Variants in HDAC9 observed in about 807,000 individuals in gnomAD.
The protein encoded by HDAC9 is histone deacetylase 9.
A neutral mutation model predicts 139.4 loss-of-function variants in HDAC9; 41 were observed. That is an observed-to-expected ratio of 0.29 (90% CI 0.23 to 0.38). HDAC9 has a LOEUF of 0.38. Among genes scored for constraint, HDAC9 ranks in the 10% least tolerant of loss-of-function variants. HDAC9 has a pLI of 1.00. For missense variants in HDAC9, 1,147 were observed against 1,297.0 expected (o/e 0.88, Z 1.78); for synonymous variants, 517 against 476.2 (o/e 1.09, Z -1.12).
chr7:18,370,258 A>C (rs181977385), intron 1 of HDAC9, among the ~76,000 whole-genome samples: 3 of 152,290 alleles, frequency 2.0e-5, no homozygotes, highest in Admixed American at 2.0e-4. Flanking sequence ...ATAAATCTGT[A>C]ACAGAATTAA....
At chr7:18,886,985 C>G in intron 22 of HDAC9, among the ~76,000 whole-genome samples, 1 of 152,130 alleles carries the variant, frequency 6.6e-6, no homozygotes, top group East Asian at 1.9e-4. Context: ...TGGTCAAATC[C>G]TTTGTTAAGT....
At chr7:18,370,188 G>C (rs1241674072) in intron 1 of HDAC9, among the ~76,000 whole-genome samples, 2 of 152,068 alleles carry the variant, frequency 1.3e-5, no homozygotes, top group Admixed American at 6.6e-5. Context: ...AGCCCCAACT[G>C]GGTTACCTTC....
chr7:18,458,224 G>A (rs1793521221), intron 1 of HDAC9, among the ~76,000 whole-genome samples: 1 of 152,160 alleles, frequency 6.6e-6, no homozygotes, highest in Non-Finnish European at 1.5e-5. Context: ...GAATTCACAG[G>A]TGAAAATGAT....
chr7:18,226,456 C>G lies in HDAC9; in HGVS notation c.25+64107C>G, dbSNP rs562915727. On this transcript the variant is annotated intron_variant, in intron 2 of 12. Transcript: ENST00000417496. Reference sequence around the variant, plus strand: ...TAGAAGAGGCAGACTATACATTGCCCTTTTTAAATCTACCAGGTCAGTCAC... The same window carrying G: ...TAGAAGAGGCAGACTATACATTGCCGTTTTTAAATCTACCAGGTCAGTCAC... Among the ~76,000 whole-genome samples, 69 of 152,206 alleles carry G rather than the reference C, an allele frequency of 4.5e-4. No individual in the cohort carries two copies. In the South Asian group the frequency reaches 0.014, roughly 32 times the overall value.
chr7:18,803,842 T>C (rs945114694), intron 17 of HDAC9, among the ~76,000 whole-genome samples: 1 of 152,194 alleles, frequency 6.6e-6, no homozygotes. Flanking sequence ...TTTTGTGATA[T>C]ATCCCTTGCA....
intron 21 of HDAC9, among the ~76,000 whole-genome samples, chr7:18,860,763 ACCT>A (rs1798043783): frequency 6.6e-6 from 1 of 152,074 alleles, no homozygotes. Context: ...TATGGAGCTG[ACCT>A]CCTTGTCAGC....
chr7:18,914,545 A>T lies in HDAC9; in HGVS notation c.2804-21264A>T, dbSNP rs555248253. On this transcript the variant is annotated intron_variant, in intron 22 of 25. Coordinates refer to ENST00000686413, the MANE Select transcript of HDAC9 (RefSeq NM_178425.4). ...ACATAATGCCTTTGTTTCTAATATA[A>T]TTTTTAAGTTGTAAGTTTATATAAT... Among the ~76,000 whole-genome samples the T allele has an allele frequency of 6.5e-3, 991 of 152,142 alleles. 9 individuals carry two copies. The highest frequency in any genetic ancestry group is 0.01 in the Non-Finnish European group (707 of 67,988).
At chr7:18,172,871 C>T (rs1453266943) in intron 2 of HDAC9, among the ~76,000 whole-genome samples, 1 of 152,102 alleles carries the variant, frequency 6.6e-6, no homozygotes, top group Non-Finnish European at 1.5e-5. Flanking sequence ...TTACTTCCAA[C>T]TGTGTGGTCA....
intron 6 of HDAC9, among the ~76,000 whole-genome samples, chr7:18,617,353 C>A (rs1185880750): frequency 1.3e-5 from 2 of 152,104 alleles, no homozygotes; most frequent in African/African-American, 4.8e-5. Context: ...TCTCAACTCT[C>A]CCCAGTCCAC....
chr7:18,707,286 A>G (rs1172076606), intron 12 of HDAC9, among the ~76,000 whole-genome samples: 2 of 152,232 alleles, frequency 1.3e-5, no homozygotes, highest in African/African-American at 4.8e-5. Context: ...AGAGGTCACT[A>G]GTCACTTTAA....
intron 24 of HDAC9, among the ~76,000 whole-genome samples, chr7:18,965,871 A>G (rs1279993399): frequency 6.6e-6 from 1 of 152,148 alleles, no homozygotes; most frequent in Non-Finnish European, 1.5e-5. Context: ...GGTTGTGTGC[A>G]CTCAATTAGT....
At chr7:18,459,408 A>G (rs748160807) in intron 1 of HDAC9, among the ~76,000 whole-genome samples, 1 of 152,212 alleles carries the variant, frequency 6.6e-6, no homozygotes, top group Non-Finnish European at 1.5e-5. Flanking sequence ...TTCTACAAAA[A>G]TGGTGAGTAA....
At chr7:18,625,044 C>T (rs1562630706) in intron 6 of HDAC9, among the ~76,000 whole-genome samples, 1 of 151,936 alleles carries the variant, frequency 6.6e-6, no homozygotes, top group Non-Finnish European at 1.5e-5. Context: ...ACCTTATGTC[C>T]TCAGATCATC....
chr7:18,184,341 G>A (rs372421593), intron 2 of HDAC9, among the ~76,000 whole-genome samples: 1,976 of 152,094 alleles, frequency 0.013, 41 homozygotes, highest in African/African-American at 0.045. Context: ...GTGAGGTTGC[G>A]GTGAGCCAAG....
At chr7:18,471,883 A>T (rs1794752738) in intron 1 of HDAC9, among the ~76,000 whole-genome samples, 2 of 152,272 alleles carry the variant, frequency 1.3e-5, no homozygotes, top group South Asian at 4.1e-4. Context: ...CAACTAGTTT[A>T]GATATGTTGA....
At chr7:18,577,403 G>A (rs1826328447) in intron 2 of HDAC9, among the ~76,000 whole-genome samples, 1 of 152,146 alleles carries the variant, frequency 6.6e-6, no homozygotes, top group African/African-American at 2.4e-5. Flanking sequence ...GGAGGGTTAG[G>A]CAAACATGCT....
At chr7:18,719,209 T>C (rs1784938513) in intron 12 of HDAC9, among the ~76,000 whole-genome samples, 1 of 152,150 alleles carries the variant, frequency 6.6e-6, no homozygotes, top group Non-Finnish European at 1.5e-5. Context: ...TCTTGCCAGA[T>C]ACATGATTTG....
rs1467133019 is a variant in HDAC9, at chr7:18,508,415, G to T, written c.22+12091G>T. ...ATTGTTACCTCTGCTTTGTGGAAAG[G>T]ATGGGGAAGCATTTAGCAGTAGGTA... is the stretch of plus-strand genomic sequence containing the variant. On this transcript the variant is annotated intron_variant, in intron 2 of 25. Coordinates refer to ENST00000686413, the MANE Select transcript of HDAC9 (RefSeq NM_178425.4). Among the ~76,000 whole-genome samples the T allele has an allele frequency of 3.3e-5, 5 of 152,200 alleles. No homozygotes were observed. The East Asian group carries it at 9.6e-4, about 29-fold the overall frequency.
In HDAC9 at chr7:18,390,097, T is replaced by TACA. The variant is rs1786333490; in HGVS notation, c.-42+99582_-42+99583insACA. ...ACACACACACACACACACACACACG[T>TACA]CGTAGAGAAGGGAAGTAATGGGGGA... On this transcript the variant is annotated intron_variant, in intron 1 of 3. Coordinates refer to the HDAC9 transcript ENST00000413509. Among the ~76,000 whole-genome samples, 3 of 66,926 alleles carry TACA rather than the reference T, an allele frequency of 4.5e-5. No homozygotes were observed. In the South Asian group the frequency reaches 2.4e-3, roughly 53 times the overall value. 43.9% of individuals were successfully genotyped at this position (66,926 alleles called of 152,430 possible). A position where few individuals can be genotyped will look rare whatever the true frequency, so the allele number is the denominator to read the frequency against.
Sources: allele counts gnomAD v4.1 joint callset (sites outside exome capture counted in the v4.1 genomes callset), GRCh38; gene constraint gnomAD v4.1.1; transcripts MANE v1.5; gene names NCBI Gene and HGNC (gene_info 2026-07-23, HGNC 2026-07-21).